Variants in JMJD1C observed in about 807,000 individuals in gnomAD.
JMJD1C encodes the protein jumonji domain containing 1C, also known as jumonji domain-containing protein 1C.
JMJD1C carries 31 observed loss-of-function variants against 245.3 expected under a neutral mutation model. The observed-to-expected ratio is 0.13, with a 90% CI of 0.09 to 0.17. The LOEUF is 0.17. JMJD1C is among the 10% of genes least tolerant of loss of function. The pLI is 1.00. For synonymous variants in JMJD1C, 1,057 were observed against 1,017.4 expected (o/e 1.04, Z -0.74); for missense variants, 2,691 against 3,000.2 (o/e 0.90, Z 2.41).
intron 1 of JMJD1C, among the ~76,000 whole-genome samples, chr10:63,459,158 T>C (rs1053165604): frequency 1.3e-5 from 2 of 152,216 alleles, no homozygotes; most frequent in African/African-American, 4.8e-5. Context: ...ACCCTAAAAG[T>C]GGAGCACATT....
intron 2 of JMJD1C, among the ~76,000 whole-genome samples, chr10:63,327,918 C>A (rs1033765537): frequency 1.1e-4 from 16 of 152,004 alleles, no homozygotes; most frequent in African/African-American, 3.9e-4. Flanking sequence ...GATCCACTTG[C>A]CTCAGCCTCC....
At chr10:63,454,385 G>A (rs1170595420) in intron 1 of JMJD1C, among the ~76,000 whole-genome samples, 1 of 151,882 alleles carries the variant, frequency 6.6e-6, no homozygotes, top group Non-Finnish European at 1.5e-5. Context: ...AGCCTCCAGA[G>A]TAGCCGGGAT....
At chr10:63,221,103 G>T (rs1164528235) in intron 3 of JMJD1C, among the ~76,000 whole-genome samples, 1 of 94,046 alleles carries the variant, frequency 1.1e-5, no homozygotes, top group African/African-American at 3.1e-5. Flanking sequence ...GTGAGACTCC[G>T]TCTTAAAAAA....
chr10:63,347,761 A>G (rs979184387), intron 2 of JMJD1C, among the ~76,000 whole-genome samples: 14 of 151,850 alleles, frequency 9.2e-5, no homozygotes, highest in Non-Finnish European at 1.9e-4. Context: ...CTAAAAATAC[A>G]AAAATCAGCC....
chr10:63,198,730 G>A lies in JMJD1C; in HGVS notation c.5277-3C>T. The A allele has an allele frequency of 1.9e-6, 3 of 1,557,270 alleles. No individual in the cohort carries two copies. The highest frequency in any genetic ancestry group is 2.6e-6 in the Non-Finnish European group (3 of 1,143,704). ...CTCCGTTTTTACTAAATGACAACCT[G>A]AAATATTAAAACATAAAAGTATTAG... On this transcript the variant is annotated splice_region_variant and splice_polypyrimidine_tract_variant and intron_variant, in intron 11 of 25. Transcript: ENST00000399262.
chr10:63,292,159 T>TTTTTTTTTTTTTTTTTTTTTC (rs1479952780), intron 2 of JMJD1C, among the ~76,000 whole-genome samples: 1 of 145,144 alleles, frequency 6.9e-6, no homozygotes, highest in Non-Finnish European at 1.5e-5. Context: ...TTTTTTTTTT[T>TTTTTTTTTTTTTTTTTTTTTC]TTTTGCCTAG....
intron 3 of JMJD1C, among the ~76,000 whole-genome samples, chr10:63,242,731 CA>C (rs1851643249): frequency 6.6e-6 from 1 of 151,916 alleles, no homozygotes; most frequent in African/African-American, 2.4e-5. Context: ...GTCTCAAAAA[CA>C]AAAACAGATT....
At chr10:63,305,629 C>CGTGTGTGTGTGTGTGTGGTGT (rs1938067815) in intron 2 of JMJD1C, among the ~76,000 whole-genome samples, 2 of 121,774 alleles carry the variant, frequency 1.6e-5, no homozygotes, top group South Asian at 6.3e-4. Context: ...ACCATGCTGG[C>CGTGTGTGTGTGTGTGTGGTGT]GTGTGTGTGT....
chr10:63,200,323 G>A (rs189813475), intron 11 of JMJD1C, among the ~76,000 whole-genome samples, 153 bp downstream of exon 11: 88 of 152,136 alleles, frequency 5.8e-4, no homozygotes, highest in African/African-American at 1.9e-3. Context: ...AATTTAGCAC[G>A]AAAACATTTA....
intron 1 of JMJD1C, among the ~76,000 whole-genome samples, chr10:63,491,747 A>AC (rs1173351659): frequency 6.6e-6 from 1 of 151,996 alleles, no homozygotes; most frequent in African/African-American, 2.4e-5. Flanking sequence ...TATAGCTACA[A>AC]CCCCCCTCCA....
intron 3 of JMJD1C, among the ~76,000 whole-genome samples, chr10:63,226,685 A>C (rs7896294): frequency 7.1e-6 from 1 of 140,450 alleles, no homozygotes; most frequent in African/African-American, 2.7e-5. Flanking sequence ...ACTGTACTTC[A>C]GCCTGGGCGA....
chr10:63,350,782 A>G (rs1054412513), intron 2 of JMJD1C, among the ~76,000 whole-genome samples: 4 of 151,946 alleles, frequency 2.6e-5, no homozygotes, highest in Non-Finnish European at 5.9e-5. Context: ...GTGCCCAGCT[A>G]ATTTTTTTGT....
At chr10:63,387,629 A>ATTTTT (rs71025169) in intron 1 of JMJD1C, among the ~76,000 whole-genome samples, 5,447 of 38,286 alleles carry the variant, frequency 0.14, 836 homozygotes, top group Admixed American at 0.28. Flanking sequence ...GAAAAAAAAA[A>ATTTTT]TTTTTTTTTT....
chr10:63,224,841 A>G (rs944833143), intron 3 of JMJD1C, among the ~76,000 whole-genome samples: 1 of 152,074 alleles, frequency 6.6e-6, no homozygotes, highest in African/African-American at 2.4e-5. Flanking sequence ...AGGTGGGTGG[A>G]TCACGAGGTC....
intron 2 of JMJD1C, among the ~76,000 whole-genome samples, chr10:63,321,559 G>A (rs1477518384): frequency 6.6e-6 from 1 of 152,148 alleles, no homozygotes; most frequent in Non-Finnish European, 1.5e-5. Flanking sequence ...GTGTTGAGTC[G>A]ACAGTGGAAA....
intron 2 of JMJD1C, among the ~76,000 whole-genome samples, chr10:63,357,826 GACACACACACACACACACACAC>G (rs35073293): frequency 2.1e-5 from 3 of 140,436 alleles, no homozygotes; most frequent in Admixed American, 7.3e-5. Flanking sequence ...CAGACAGACA[GACACACACACACACACACACAC>G]ACACACACAC....
chr10:63,336,946 T>C (rs1942799000), intron 2 of JMJD1C, among the ~76,000 whole-genome samples: 1 of 152,040 alleles, frequency 6.6e-6, no homozygotes, highest in Non-Finnish European at 1.5e-5. Context: ...GTTCAAGCGA[T>C]TCTCCTGCCT....
intron 2 of JMJD1C, among the ~76,000 whole-genome samples, chr10:63,328,432 A>G (rs1353654272): frequency 2.6e-5 from 4 of 152,208 alleles, no homozygotes; most frequent in African/African-American, 9.6e-5. Flanking sequence ...CCCACTGCAA[A>G]TTCATTACGA....
At chr10:63,271,598 C>CTGGA (rs1856307335) in intron 2 of JMJD1C, among the ~76,000 whole-genome samples, 1 of 151,992 alleles carries the variant, frequency 6.6e-6, no homozygotes, top group African/African-American at 2.4e-5. Flanking sequence ...GTTGCTCAGG[C>CTGGA]TGGAGTGCAA....
Sources: gnomAD v4.1 joint callset for allele counts (sites outside exome capture counted in the v4.1 genomes callset) on GRCh38, gnomAD v4.1.1 for gene constraint, MANE v1.5 for transcripts, NCBI Gene and HGNC (gene_info 2026-07-23, HGNC 2026-07-21) for gene names.